Variants in TERB1 observed in about 807,000 individuals in gnomAD.
TERB1 encodes telomere repeat binding bouquet formation protein 1.
Under a neutral mutation model 92.3 loss-of-function variants are expected in TERB1, and 63 were observed. The observed-to-expected ratio is 0.68, with a 90% CI of 0.56 to 0.84. TERB1 has a LOEUF of 0.84. Among genes scored for constraint, TERB1 ranks in the 40% least tolerant of loss-of-function variants. TERB1 has a pLI of 0.00. For missense variants in TERB1, 709 were observed against 843.7 expected, an observed-to-expected ratio of 0.84 and a Z score of 1.98; for synonymous variants, 252 against 283.9, an observed-to-expected ratio of 0.89 and a Z score of 1.13.
In TERB1 at chr16:66,770,050, T is replaced by C. The variant is rs749498682; in HGVS notation, c.1532A>G (p.Asn511Ser). 6.8e-5 allele frequency: 106 copies of C among 1,551,704 alleles called. No individual in the cohort carries two copies. The highest frequency in any genetic ancestry group is 8.5e-5 in the Non-Finnish European group (98 of 1,147,010). ...TGACTTGGCTTTATATAAAGTCTTA[T>C]TTTGCTCACTCTCCCTGTAACAAGC... The part of the protein sequence containing the change: ...VHACYRESEQ[N>S]KTLYKAKSSC... Residue 511 changes from asparagine (N) to serine (S), a missense_variant, in exon 14 of 19, where the codon AAT becomes AGT. Transcript: ENST00000433154.
chr16:66,773,178 A>AC (rs1042407812), intron 12 of TERB1, among the ~76,000 whole-genome samples: 1 of 151,424 alleles, frequency 6.6e-6, no homozygotes, highest in Non-Finnish European at 1.5e-5. Context: ...AAAAAAAAAA[A>AC]AAAAAATTAG....
chr16:66,790,462 G>A, intron 5 of TERB1, 133 bp downstream of exon 5: 1 of 580,044 alleles, frequency 1.7e-6, no homozygotes, highest in Non-Finnish European at 2.8e-6. Context: ...AGGGAGGGGG[G>A]AAGGAGGCTA....
intron 9 of TERB1, among the ~76,000 whole-genome samples, chr16:66,783,686 G>T (rs1326687960): frequency 2.0e-5 from 3 of 152,102 alleles, no homozygotes; most frequent in Non-Finnish European, 4.4e-5. Context: ...ATTAAGGCCT[G>T]GAATTTCCTA....
chr16:66,770,430 G>T, intron 13 of TERB1, 121 bp from the exon 14 acceptor site: 1 of 671,378 alleles, frequency 1.5e-6, no homozygotes, highest in Non-Finnish European at 2.4e-6. Context: ...GAACATATAT[G>T]ATAAAAGGCA....
chr16:66,801,772 GC>G (rs1241421168), upstream of TERB1, among the ~76,000 whole-genome samples: 5 of 152,206 alleles, frequency 3.3e-5, no homozygotes, highest in Non-Finnish European at 7.3e-5. Context: ...AAATCTCACC[GC>G]CCCCGGTTTT....
At chr16:66,765,123 T>C (rs2018316744) in intron 16 of TERB1, among the ~76,000 whole-genome samples, 1 of 152,220 alleles carries the variant, frequency 6.6e-6, no homozygotes, top group Admixed American at 6.5e-5. Flanking sequence ...TCGATTCCAG[T>C]GCCAGCCAAG....
At chr16:66,782,862 C>CTG (rs1294766816) in intron 9 of TERB1, among the ~76,000 whole-genome samples, 2 of 151,780 alleles carry the variant, frequency 1.3e-5, no homozygotes, top group Non-Finnish European at 2.9e-5. Flanking sequence ...TTTTGTTACT[C>CTG]TGTGTGTGTG....
chr16:66,776,122 G>C (rs1379374016), intron 11 of TERB1, among the ~76,000 whole-genome samples: 2 of 151,958 alleles, frequency 1.3e-5, no homozygotes, highest in African/African-American at 4.8e-5. Flanking sequence ...CTGAGGTTGG[G>C]AGTTCGAGAC....
At position 66,772,597 on chromosome 16, in the gene TERB1, CT is replaced by C; in HGVS notation, c.1263del (p.Gly422GlufsTer18). The C allele has an allele frequency of 6.5e-7, 1 of 1,540,710 alleles. No individual in the cohort carries two copies. The highest frequency in any genetic ancestry group is 1.2e-5 in the South Asian group (1 of 80,492). On this transcript the variant is annotated frameshift_variant, in exon 13 of 19. Coordinates refer to ENST00000433154, the MANE Select transcript of TERB1 (RefSeq NM_001136505.2). LOFTEE classifies it high-confidence loss of function. Reference sequence around the variant, plus strand: ...AAAACAAAGAATCCAACCTCATTTCCTTCTCTTTCAAGCTGTTCTATTCTGT... The same window carrying C: ...AAAACAAAGAATCCAACCTCATTTCCTCTCTTTCAAGCTGTTCTATTCTGT... ...ILHRIEQLER[E>X]GNEEEIQREN... is the part of the protein sequence containing the mutation.
chr16:66,791,235 CT>C (rs987850824), intron 3 of TERB1, among the ~76,000 whole-genome samples: 7 of 151,564 alleles, frequency 4.6e-5, no homozygotes, highest in Non-Finnish European at 8.8e-5. Context: ...TTGAGTTTCC[CT>C]TTTTATAAAT....
At chr16:66,756,309 T>C (rs893371901) in intron 18 of TERB1, among the ~76,000 whole-genome samples, 2 of 152,214 alleles carry the variant, frequency 1.3e-5, no homozygotes, top group African/African-American at 4.8e-5. Context: ...GTTCAGACCT[T>C]TTAAAACAGA....
rs2018518753 is a variant in TERB1 at position 66,774,860 on chromosome 16, C to G, written c.1111+258G>C. Among the ~76,000 whole-genome samples the G allele has an allele frequency of 1.3e-5, 2 of 151,530 alleles. 1 individual carries two copies. The highest frequency in any genetic ancestry group is 4.2e-4 in the South Asian group (2 of 4,804). On this transcript the variant is annotated intron_variant, in intron 12 of 18. Transcript: ENST00000433154. Reference sequence around the variant, plus strand: ...TGCCACCATGCCCAGATAATTTTTTCTATATATATATTTTTTTATAGAGAC... The same window carrying G: ...TGCCACCATGCCCAGATAATTTTTTGTATATATATATTTTTTTATAGAGAC...
Position 66,786,068 on chromosome 16 carries a change from A to G in TERB1, c.523T>C (p.Leu175=), listed in dbSNP as rs773577675. ...AGAGTACTACACACTGAAGACCACA[A>G]CTGATAACTCTGGAAAACATTTTTA... ...SDKNVFQSYQ[L]WSSVCSTLCV... is the part of the protein sequence containing the mutation. The change falls in exon 8 of 19, where the codon TTG becomes CTG. Residue 175 remains leucine (L), a synonymous_variant. Coordinates refer to ENST00000433154, the MANE Select transcript of TERB1 (RefSeq NM_001136505.2). The G allele has an allele frequency of 3.2e-6, 5 of 1,551,728 alleles. No homozygotes were observed. Among genetic ancestry groups the G allele is most frequent in the Non-Finnish European group, 4.4e-6 (5 of 1,146,952 alleles).
intron 9 of TERB1, among the ~76,000 whole-genome samples, chr16:66,781,874 C>CA (rs2018644364): frequency 6.6e-6 from 1 of 152,066 alleles, no homozygotes; most frequent in African/African-American, 2.4e-5. Flanking sequence ...TCTAGCTTAC[C>CA]TTTCATCCTC....
chr16:66,763,162 G>C (rs913148596), intron 16 of TERB1, among the ~76,000 whole-genome samples: 8 of 150,488 alleles, frequency 5.3e-5, no homozygotes, highest in African/African-American at 1.5e-4. Context: ...TAAGAGACAG[G>C]GTCTCACTAT....
chr16:66,794,641 T>C lies in TERB1; in HGVS notation c.31+2127A>G, dbSNP rs186812894. 4.9e-3 allele frequency among the ~76,000 whole-genome samples: 748 copies of C among 152,024 alleles called. 12 individuals carry two copies. The highest frequency in any genetic ancestry group is 0.017 in the African/African-American group (713 of 41,472). On this transcript the variant is annotated intron_variant, in intron 3 of 18. Coordinates refer to ENST00000433154, the MANE Select transcript of TERB1 (RefSeq NM_001136505.2). ...AAAAACACAATCAGGCTGGGCACAG[T>C]GGCTCACGCCTGTAATCCCAGCACT...
In TERB1 at chr16:66,786,071, G is replaced by C. The variant is rs1373783734; in HGVS notation, c.520C>G (p.Gln174Glu). 6.4e-7 allele frequency: 1 copy of C among 1,551,566 alleles called. No individual in the cohort carries two copies. The highest frequency in any genetic ancestry group is 1.4e-5 in the African/African-American group (1 of 73,036). Residue 174 changes from glutamine to glutamate, a missense_variant, in exon 8 of 19, where the codon CAG (glutamine) becomes GAG (glutamate). Gln to Glu is a conservative substitution (Grantham distance 29). Transcript: ENST00000433154. ...GTACTACACACTGAAGACCACAACT[G>C]ATAACTCTGGAAAACATTTTTATCT... ...LSDKNVFQSY[Q>E]LWSSVCSTLC...
intron 9 of TERB1, among the ~76,000 whole-genome samples, chr16:66,785,316 T>C (rs1260214361): frequency 1.3e-5 from 2 of 152,216 alleles, no homozygotes; most frequent in African/African-American, 2.4e-5. Flanking sequence ...GTGCTGGGAT[T>C]ATAGGCGTGA....
chr16:66,800,038 A>T (rs1959231067), intron 2 of TERB1: 1 of 151,788 alleles, frequency 6.6e-6, no homozygotes, highest in Non-Finnish European at 1.5e-5. Context: ...GCTGAATATT[A>T]CTTGTTTACC....
Sources: gnomAD v4.1 joint callset for allele counts (sites outside exome capture counted in the v4.1 genomes callset) on GRCh38, gnomAD v4.1.1 for gene constraint, MANE v1.5 for transcripts, NCBI Gene and HGNC (gene_info 2026-07-23, HGNC 2026-07-21) for gene names.